The following CDON variants were observed in gnomAD, a reference collection of about 807,000 sequenced individuals.
CDON encodes cell adhesion associated, oncogene regulated.
Under a neutral mutation model 120.9 loss-of-function variants are expected in CDON, and 73 were observed. That is an observed-to-expected ratio of 0.60 (90% confidence interval 0.50 to 0.73). CDON has a LOEUF of 0.73. Ranked by LOEUF, CDON falls within the 30% of genes least tolerant of loss-of-function variation. The pLI, the probability that CDON is intolerant of heterozygous loss-of-function variation, is 0.00. For synonymous variants in CDON, 566 were observed against 573.5 expected, an observed-to-expected ratio of 0.99 and a Z score of 0.19; for missense variants, 1,470 against 1,587.3, an observed-to-expected ratio of 0.93 and a Z score of 1.26.
At chr11:126,052,917 ATGAT>A (rs1948600844) in intron 1 of CDON, among the ~76,000 whole-genome samples, 1 of 152,184 alleles carries the variant, frequency 6.6e-6, no homozygotes, top group African/African-American at 2.4e-5. Flanking sequence ...TAATCTAGAG[ATGAT>A]TTAAACAGGA....
At chr11:126,019,464 C>T (rs187639081) in intron 4 of CDON, among the ~76,000 whole-genome samples, 155 bp downstream of exon 4, 1 of 152,006 alleles carries the variant, frequency 6.6e-6, no homozygotes, top group South Asian at 2.1e-4. Context: ...GGTATGGGGC[C>T]GTAATTATTT....
rs1318515868 is a variant in CDON, at chr11:126,062,787, G to C, written c.-270C>G. The stretch of plus-strand genomic sequence containing the variant: ...GGGGCGCTGGGCAGGGCGGGCGGGC[G>C]TGGGGTCCCGGGTCTCCTCGCACCT... On this transcript the variant is annotated 5_prime_UTR_variant, in exon 1 of 20. Transcript: ENST00000531738. 6.6e-6 allele frequency: 1 copy of C among 151,920 alleles called. No homozygotes were observed. The highest frequency in any genetic ancestry group is 2.4e-5 in the African/African-American group (1 of 41,304). 9.4% of individuals were successfully genotyped at this position (151,920 alleles called of 1,614,324 possible).
At chr11:126,013,400 C>A (rs1947362111) in intron 7 of CDON, among the ~76,000 whole-genome samples, 1 of 152,120 alleles carries the variant, frequency 6.6e-6, no homozygotes, top group Admixed American at 6.5e-5. Context: ...TCTATCACTT[C>A]GAAGTTTGGT....
intron 18 of CDON, among the ~76,000 whole-genome samples, chr11:125,964,337 C>T (rs1459189408): frequency 1.3e-5 from 2 of 152,184 alleles, no homozygotes; most frequent in Non-Finnish European, 2.9e-5. Flanking sequence ...GGTCAGACAT[C>T]GTGGTAGGCA....
At chr11:125,995,407 A>T (rs1946753111) in intron 12 of CDON, among the ~76,000 whole-genome samples, 1 of 152,206 alleles carries the variant, frequency 6.6e-6, no homozygotes, top group Non-Finnish European at 1.5e-5. Flanking sequence ...CCCATCAATG[A>T]CAGTATTAGT....
At chr11:125,970,048 G>C (rs1945921637) in intron 18 of CDON, among the ~76,000 whole-genome samples, 1 of 151,752 alleles carries the variant, frequency 6.6e-6, no homozygotes, top group Admixed American at 6.6e-5. Context: ...TTTGCATTAA[G>C]TTTCCTCTTT....
rs748152094 is a variant in CDON, at chr11:125,995,017, G to C, written c.2398C>G (p.His800Asp). The C allele has an allele frequency of 1.2e-6, 2 of 1,614,092 alleles. No homozygotes were observed. Among genetic ancestry groups the C allele is most frequent in the Non-Finnish European group, 1.7e-6 (2 of 1,179,992 alleles). The change falls in exon 13 of 20, where the codon CAT (histidine) becomes GAT (aspartate). Residue 800 changes from histidine to aspartate, a missense_variant. Physicochemically the swap from His to Asp is moderately conservative, Grantham distance 81. Coordinates refer to ENST00000531738, the MANE Select transcript of CDON (RefSeq NM_001378964.1). Reference protein sequence around the residue: ...TYKFRVIAINHYGESFRSSAS... With the variant: ...TYKFRVIAINDYGESFRSSAS... ...GAACTCCGAAAACTCTCACCATAAT[G>C]GTTGATGGCAATGACCCTAAATTTG...
intron 1 of CDON, among the ~76,000 whole-genome samples, chr11:126,043,257 C>T (rs150198289): frequency 0.012 from 1,772 of 152,118 alleles, 33 homozygotes; most frequent in African/African-American, 0.04. Flanking sequence ...ACAATCAGAC[C>T]GATTGCAGGC....
intron 1 of CDON, among the ~76,000 whole-genome samples, chr11:126,041,033 AC>A (rs1948247967): frequency 6.6e-6 from 1 of 151,106 alleles, no homozygotes; most frequent in Admixed American, 6.6e-5. Context: ...CACTAAAAAT[AC>A]AAAAATTAGC....
intron 12 of CDON, among the ~76,000 whole-genome samples, chr11:125,995,701 T>C (rs1946759824): frequency 6.6e-6 from 1 of 152,242 alleles, no homozygotes; most frequent in Non-Finnish European, 1.5e-5. Flanking sequence ...AGTTTCCTGA[T>C]AGCTCAAAAA....
intron 14 of CDON, among the ~76,000 whole-genome samples, chr11:125,992,898 T>C (rs886984777): frequency 4.6e-5 from 7 of 152,054 alleles, no homozygotes; most frequent in Non-Finnish European, 8.8e-5. Context: ...AATCTTGGAG[T>C]GCAAAAAAGA....
At chr11:126,024,098 G>A (rs1947715547) in intron 1 of CDON, among the ~76,000 whole-genome samples, 2 of 152,170 alleles carry the variant, frequency 1.3e-5, no homozygotes, top group South Asian at 4.1e-4. Context: ...GCCTGTGTTG[G>A]GATTGGGCTT....
At chr11:125,980,432 G>A (rs933821135) in intron 17 of CDON, among the ~76,000 whole-genome samples, 13 of 152,264 alleles carry the variant, frequency 8.5e-5, no homozygotes, top group South Asian at 6.2e-4. Flanking sequence ...GTCACAACCC[G>A]GTGGCCTGCA....
Position 126,003,546 on chromosome 11 carries a change from C to T in CDON, c.2026+356G>A, listed in dbSNP as rs1407472064. Among the ~76,000 whole-genome samples the T allele has an allele frequency of 2.0e-5, 3 of 152,166 alleles. No individual in the cohort carries two copies. In the East Asian group the frequency reaches 5.8e-4, roughly 29 times the overall value. ...ACTATCCAAAAGAATTCTGGTTGGG[C>T]ACAGTGGCTCACGCCTATAATCCCA... On this transcript the variant is annotated intron_variant, in intron 10 of 19. Transcript: ENST00000531738.
At chr11:126,017,548 C>T (rs115785908) in intron 5 of CDON, among the ~76,000 whole-genome samples, 173 bp from the exon 6 acceptor site, 158 of 152,198 alleles carry the variant, frequency 1.0e-3, no homozygotes, top group African/African-American at 3.6e-3. Flanking sequence ...TCCTTTAGGG[C>T]TACTTCTGAA....
chr11:126,011,402 A>C (rs1248236076), intron 7 of CDON, among the ~76,000 whole-genome samples: 1 of 152,196 alleles, frequency 6.6e-6, no homozygotes, highest in Non-Finnish European at 1.5e-5. Context: ...AACAACTGAT[A>C]CCGGATTTCT....
chr11:126,026,348 C>T (rs1184169803), intron 1 of CDON, among the ~76,000 whole-genome samples: 1 of 152,206 alleles, frequency 6.6e-6, no homozygotes, highest in Admixed American at 6.5e-5. Flanking sequence ...TCCTGCTTAG[C>T]CAGGGCTAGA....
chr11:125,976,603 GCACACACACACACAAACA>G (rs1946156250), intron 18 of CDON, among the ~76,000 whole-genome samples: 1 of 96,258 alleles, frequency 1.0e-5, no homozygotes, highest in Admixed American at 1.1e-4. Flanking sequence ...ACACACACAT[GCACACACACACACAAACA>G]CACACACACA....
chr11:126,026,350 A>C (rs1947791907), intron 1 of CDON, among the ~76,000 whole-genome samples: 1 of 152,258 alleles, frequency 6.6e-6, no homozygotes, highest in Admixed American at 6.5e-5. Context: ...CTGCTTAGCC[A>C]GGGCTAGACA....
Sources: allele counts gnomAD v4.1 joint callset (sites outside exome capture counted in the v4.1 genomes callset), GRCh38; gene constraint gnomAD v4.1.1; transcripts MANE v1.5; gene names NCBI Gene and HGNC (gene_info 2026-07-23, HGNC 2026-07-21).